Variants in MAPK13 observed in about 807,000 individuals in gnomAD.
MAPK13 encodes MAP kinase 13.
MAPK13 carries 39 observed loss-of-function variants against 53.5 expected under a neutral mutation model. That is an observed-to-expected ratio of 0.73 (90% CI 0.56 to 0.95). MAPK13 has a LOEUF of 0.95. Ranked by LOEUF, MAPK13 falls within the 40% of genes least tolerant of loss-of-function variation. The pLI is 0.00. For missense variants in MAPK13, 460 were observed against 471.8 expected (o/e 0.98, Z 0.23); for synonymous variants, 179 against 190.9 (o/e 0.94, Z 0.51).
In MAPK13 at chr6:36,138,402, G is replaced by A. The variant is rs766738861; in HGVS notation, c.720G>A (p.Gly240=). 1.9e-5 allele frequency: 30 copies of A among 1,613,918 alleles called. No homozygotes were observed. Among genetic ancestry groups the A allele is most frequent in the Non-Finnish European group, 2.5e-5 (30 of 1,179,976 alleles). The part of the protein sequence containing the change: ...DQLTQILKVT[G]VPGTEFVQKL... ...TGACCCAGATCCTGAAAGTGACCGG[G>A]GTGCCTGGCACGGAGTTTGTGCAGA... Residue 240 remains glycine, a synonymous_variant, in exon 9 of 12, where the codon GGG becomes GGA. Transcript: ENST00000211287.
In MAPK13 at chr6:36,130,606, C is replaced by T. The variant is rs200749277; in HGVS notation, c.24C>T (p.Gly8=). 1.3e-6 allele frequency: 2 copies of T among 1,579,932 alleles called. No individual in the cohort carries two copies. The highest frequency in any genetic ancestry group is 2.5e-5 in the East Asian group (1 of 39,926). ...GGATGAGCCTCATCCGGAAAAAGGG[C>T]TTCTACAAGCAGGACGTCAACAAGA... MSLIRKK[G]FYKQDVNKTA... is the part of the protein sequence containing the mutation. Residue 8 remains glycine, a synonymous_variant, in exon 1 of 12, where the codon GGC becomes GGT. Coordinates refer to ENST00000211287, the MANE Select transcript of MAPK13 (RefSeq NM_002754.5). This position sits in a 1 kb window ranked among gnomAD's most constrained non-coding sequence, Gnocchi z 4.5.
rs1766462468 is a variant in MAPK13 at position 36,138,401 on chromosome 6, G to A, written c.719G>A (p.Gly240Glu). ...DQLTQILKVT[G>E]VPGTEFVQKL... Reference sequence around the variant, plus strand: ...CTGACCCAGATCCTGAAAGTGACCGGGGTGCCTGGCACGGAGTTTGTGCAG... The same window carrying A: ...CTGACCCAGATCCTGAAAGTGACCGAGGTGCCTGGCACGGAGTTTGTGCAG... The change falls in exon 9 of 12, where the codon GGG becomes GAG. Residue 240 changes from glycine (G) to glutamate (E), a missense_variant. By Grantham distance (98) the Gly-to-Glu change is moderately conservative. Coordinates refer to ENST00000211287, the MANE Select transcript of MAPK13 (RefSeq NM_002754.5). 6.2e-7 allele frequency: 1 copy of A among 1,613,962 alleles called. No homozygotes were observed. Among genetic ancestry groups the A allele is most frequent in the African/African-American group, 1.3e-5 (1 of 74,968 alleles).
chr6:36,136,133 G>C, intron 5 of MAPK13, 85 bp downstream of exon 5: 5 of 1,539,518 alleles, frequency 3.2e-6, no homozygotes, highest in Non-Finnish European at 4.5e-6. Context: ...GAGTGGGAAA[G>C]TTGGAGGGAG....
At chr6:36,137,272 C>T (rs2127486921) in intron 8 of MAPK13, among the ~76,000 whole-genome samples, 2 of 152,152 alleles carry the variant, frequency 1.3e-5, no homozygotes, top group East Asian at 1.9e-4. Flanking sequence ...TCCCAGCACT[C>T]TGGGAGGCTG....
rs55776345 is a variant in MAPK13, at chr6:36,131,273, C to T, written c.122C>T (p.Ser41Leu). The change falls in exon 2 of 12, where the codon TCG (serine) becomes TTG (leucine). Residue 41 changes from serine to leucine, a missense_variant and splice_region_variant. By Grantham distance (145) the Ser-to-Leu change is moderately radical (BLOSUM62 -2). Coordinates refer to ENST00000211287, the MANE Select transcript of MAPK13 (RefSeq NM_002754.5). Reference sequence around the variant, plus strand: ...GCTGACCGGCCTGTGCCCGACAGCTCGGCCATCGACAAGCGGTCAGGGGAG... The same window carrying T: ...GCTGACCGGCCTGTGCCCGACAGCTTGGCCATCGACAAGCGGTCAGGGGAG... ...VGSGAYGSVC[S>L]AIDKRSGEKV... The T allele has an allele frequency of 0.012, 19,131 of 1,611,930 alleles. 144 individuals carry two copies. The highest frequency in any genetic ancestry group is 0.014 in the Non-Finnish European group (16,566 of 1,178,740).
At chr6:36,135,707 C>A in intron 3 of MAPK13, 46 bp from the exon 4 acceptor site, 1 of 1,400,816 alleles carries the variant, frequency 7.1e-7, no homozygotes, top group Non-Finnish European at 1.0e-6. Flanking sequence ...TGACCTGGGG[C>A]TGGGTGGGAC....
At chr6:36,138,582 C>A in intron 9 of MAPK13, 120 bp from the exon 10 acceptor site, 1 of 1,277,716 alleles carries the variant, frequency 7.8e-7, no homozygotes, top group Non-Finnish European at 1.1e-6. Flanking sequence ...GCACTCTTGT[C>A]TTAATCTCAC....
intron 5 of MAPK13, 87 bp from the exon 6 acceptor site, chr6:36,136,397 C>A: frequency 1.7e-6 from 2 of 1,184,024 alleles, no homozygotes; most frequent in Non-Finnish European, 2.4e-6. Context: ...AGGGGCCTGG[C>A]TGAGGTCACA....
intron 3 of MAPK13, 105 bp downstream of exon 3, chr6:36,132,784 G>A (rs891305944): frequency 2.5e-6 from 3 of 1,204,940 alleles, no homozygotes; most frequent in Non-Finnish European, 3.7e-6. Flanking sequence ...GTGGCGGGGA[G>A]AGCCTCCTTC....
Position 36,138,965 on chromosome 6 carries a change from C to T in MAPK13, c.928C>T (p.Pro310Ser). The T allele has an allele frequency of 1.2e-6, 2 of 1,614,008 alleles. No individual in the cohort carries two copies. The highest frequency in any genetic ancestry group is 1.7e-6 in the Non-Finnish European group (2 of 1,179,992). ...GGCCCTCACCCATCCCTTCTTTGAA[C>T]CCTTCCGGGACCCTGAGGAAGAGAC... is the stretch of plus-strand genomic sequence containing the variant. ...AQALTHPFFE[P>S]FRDPEEETEA... is the part of the protein sequence containing the mutation. Residue 310 changes from proline (P) to serine (S), a missense_variant, in exon 11 of 12, where the codon CCC becomes TCC. Coordinates refer to ENST00000211287, the MANE Select transcript of MAPK13 (RefSeq NM_002754.5).
Position 36,139,001 on chromosome 6 carries a change from C to T in MAPK13, c.964C>T (p.Gln322Ter). Residue 322 changes from glutamine (Q) to a stop codon, truncating the protein, a stop_gained, in exon 11 of 12, where the codon CAG becomes TAG. Coordinates refer to ENST00000211287, the MANE Select transcript of MAPK13 (RefSeq NM_002754.5). LOFTEE classifies it high-confidence loss of function. ...CCCTGAGGAAGAGACGGAGGCCCAG[C>T]AGCCGTTTGATGATTCCTTAGAACA... Reference protein sequence around the residue: ...RDPEEETEAQQPFDDSLEHEK... With the variant: ...RDPEEETEAQ 1 of 1,613,640 alleles carries T rather than the reference C, an allele frequency of 6.2e-7. No homozygotes were observed. The highest frequency in any genetic ancestry group is 8.5e-7 in the Non-Finnish European group (1 of 1,179,866).
At position 36,140,691 on chromosome 6, in the gene MAPK13, AAAAACCT is replaced by A. The variant is rs1766516193; in HGVS notation, c.*1320_*1326del. On this transcript the variant is annotated 3_prime_UTR_variant, in exon 12 of 12. Coordinates refer to ENST00000211287, the MANE Select transcript of MAPK13 (RefSeq NM_002754.5). ...CTTGATTTGTTGGGAGGCCTAAATCAAAAACCTATAGGAGGAGACTGGGGGGCTTCAG... is the reference window on the plus strand; with the variant it reads ...CTTGATTTGTTGGGAGGCCTAAATCAATAGGAGGAGACTGGGGGGCTTCAG... The A allele has an allele frequency of 6.5e-6, 1 of 152,714 alleles. No individual in the cohort carries two copies. The highest frequency in any genetic ancestry group is 2.4e-5 in the African/African-American group (1 of 41,470). The allele number at this position is 152,714 out of a possible 1,614,324, so 9.5% of individuals were successfully genotyped here.
At chr6:36,133,387 G>A (rs537237679) in intron 3 of MAPK13, among the ~76,000 whole-genome samples, 1 of 152,302 alleles carries the variant, frequency 6.6e-6, no homozygotes, top group South Asian at 2.1e-4. Flanking sequence ...AGAGCCTGGA[G>A]GTCAGTGTTA....
In MAPK13 at chr6:36,140,201, G is replaced by C. The variant is rs1469382413; in HGVS notation, c.*828G>C. The stretch of plus-strand genomic sequence containing the variant: ...TGCTAAATTAAGGGAGTTGCAGAGA[G>C]AGCTGCAGCTGGTGCGATTGCATTC... On this transcript the variant is annotated 3_prime_UTR_variant, in exon 12 of 12. Transcript: ENST00000211287. The C allele has an allele frequency of 1.3e-5, 2 of 152,270 alleles. No homozygotes were observed. Among genetic ancestry groups the C allele is most frequent in the East Asian group, 1.9e-4 (1 of 5,196 alleles). The allele number at this position is 152,270 out of a possible 1,614,324, so 9.4% of individuals were successfully genotyped here.
intron 3 of MAPK13, among the ~76,000 whole-genome samples, chr6:36,134,878 C>CTGGCG (rs1472417796): frequency 1.3e-5 from 2 of 152,166 alleles, no homozygotes; most frequent in African/African-American, 4.8e-5. Flanking sequence ...GCTGGGCGTT[C>CTGGCG]TGGCGTGCAC....
At chr6:36,132,411 G>C (rs530048096) in intron 2 of MAPK13, among the ~76,000 whole-genome samples, 1 of 152,306 alleles carries the variant, frequency 6.6e-6, no homozygotes, top group East Asian at 1.9e-4. Context: ...CTGACTCTCT[G>C]TCATGATTTA....
intron 3 of MAPK13, among the ~76,000 whole-genome samples, chr6:36,133,499 G>T (rs1766358131): frequency 6.6e-6 from 1 of 152,238 alleles, no homozygotes; most frequent in South Asian, 2.1e-4. Flanking sequence ...CATCTGTTGG[G>T]GTGCAGTAGC....
chr6:36,135,971 G>A, intron 4 of MAPK13, 48 bp from the exon 5 acceptor site: 1 of 1,612,768 alleles, frequency 6.2e-7, no homozygotes, highest in Non-Finnish European at 8.5e-7. Context: ...TGAAGTGCCT[G>A]GTGTGGAAGC....
Position 36,135,739 on chromosome 6 carries a change from CT to C in MAPK13, c.309-13del, listed in dbSNP as rs1378620007. 6.2e-7 allele frequency: 1 copy of C among 1,600,500 alleles called. No individual in the cohort carries two copies. Among genetic ancestry groups the C allele is most frequent in the African/African-American group, 1.3e-5 (1 of 74,716 alleles). On this transcript the variant is annotated splice_polypyrimidine_tract_variant and intron_variant, in intron 3 of 11. Coordinates refer to ENST00000211287, the MANE Select transcript of MAPK13 (RefSeq NM_002754.5). ...GGACCCGGCACTGTTCCAAGAACCC[CT>C]CATGCCTTCCAGCTACCTGGTGATG...
Sources: allele counts gnomAD v4.1 joint callset (sites outside exome capture counted in the v4.1 genomes callset), GRCh38; gene constraint gnomAD v4.1.1; non-coding constraint Gnocchi (gnomAD v3.1); transcripts MANE v1.5; gene names NCBI Gene and HGNC (gene_info 2026-07-23, HGNC 2026-07-21).